Variants in AMPD3 observed in about 807,000 individuals in gnomAD.
The protein encoded by AMPD3 is AMP deaminase 3.
Under a neutral mutation model 82.3 loss-of-function variants are expected in AMPD3, and 57 were observed. The ratio of observed to expected loss-of-function variants is 0.69; its 90% CI spans 0.56 to 0.86. AMPD3 has a LOEUF of 0.86. Ranked by LOEUF, AMPD3 falls within the 40% of genes least tolerant of loss-of-function variation. AMPD3 has a pLI of 0.00. For synonymous variants in AMPD3, 381 were observed against 394.7 expected (o/e 0.97, Z 0.41); for missense variants, 870 against 1,003.8 (o/e 0.87, Z 1.80).
chr11:10,505,544 C>A, intron 14 of AMPD3, 164 bp from the exon 15 acceptor site: 2 of 985,342 alleles, frequency 2.0e-6, no homozygotes, highest in Non-Finnish European at 2.4e-6. Flanking sequence ...GACACAGAGG[C>A]CAGCAGGAAT....
chr11:10,502,395 G>C, intron 12 of AMPD3: 1 of 985,486 alleles, frequency 1.0e-6, no homozygotes, highest in South Asian at 4.7e-5. Flanking sequence ...GTGCCTAGGA[G>C]AAAGGAGCTG....
chr11:10,450,992 G>T, upstream of AMPD3: 1 of 1,570,770 alleles, frequency 6.4e-7, no homozygotes, highest in Non-Finnish European at 8.6e-7. Flanking sequence ...CTTTGCTCCA[G>T]CCCTGCGGCC....
At chr11:10,470,912 A>G (rs1410278612) in intron 2 of AMPD3, among the ~76,000 whole-genome samples, 2 of 152,218 alleles carry the variant, frequency 1.3e-5, no homozygotes, top group Admixed American at 6.5e-5. Context: ...GTTCAGTGCT[A>G]TCCCCATCAA....
chr11:10,503,901 G>C, intron 13 of AMPD3: 1 of 970,812 alleles, frequency 1.0e-6, no homozygotes. Flanking sequence ...TCCTTGACCT[G>C]TACTTCGAGA....
chr11:10,452,978 C>G (rs1156403707), upstream of AMPD3, among the ~76,000 whole-genome samples: 3 of 152,154 alleles, frequency 2.0e-5, no homozygotes, highest in Non-Finnish European at 4.4e-5. Context: ...GAAATGGAGT[C>G]TCACTCTGTC....
chr11:10,496,804 TC>T lies in AMPD3; in HGVS notation c.1431-3del, dbSNP rs761265012. ...CCACCTGACAAGCGAGTCTTTGCTG[TC>T]CCCCAGTGACATATTTAGGTCAAAG... On this transcript the variant is annotated splice_region_variant and splice_polypyrimidine_tract_variant and intron_variant, in intron 9 of 14. Coordinates refer to ENST00000396553, the MANE Select transcript of AMPD3 (RefSeq NM_001025389.2). 2.1e-4 allele frequency: 337 copies of T among 1,613,952 alleles called. No homozygotes were observed. Among genetic ancestry groups the T allele is most frequent in the Non-Finnish European group, 2.7e-4 (316 of 1,180,022 alleles).
intron 1 of AMPD3, among the ~76,000 whole-genome samples, chr11:10,459,405 C>G (rs1848192655): frequency 6.6e-6 from 1 of 152,190 alleles, no homozygotes; most frequent in Non-Finnish European, 1.5e-5. Flanking sequence ...CCACTTAGAG[C>G]TGAGAGGGCC....
At chr11:10,484,246 G>A (rs1848998157) in intron 4 of AMPD3, 1 of 985,258 alleles carries the variant, frequency 1.0e-6, no homozygotes, top group Admixed American at 6.1e-5. Flanking sequence ...AACCTATAGT[G>A]GTTGGGGGCA....
At chr11:10,495,902 A>G (rs552130093) in intron 9 of AMPD3, among the ~76,000 whole-genome samples, 169 bp downstream of exon 9, 89 of 148,918 alleles carry the variant, frequency 6.0e-4, no homozygotes, top group Non-Finnish European at 2.5e-4. Context: ...AGATGTCTGC[A>G]TGACACTAGA....
chr11:10,478,360 A>T, intron 2 of AMPD3, 166 bp from the exon 3 acceptor site: 18 of 983,604 alleles, frequency 1.8e-5, no homozygotes, highest in Non-Finnish European at 2.2e-5. Flanking sequence ...TCAGGCAGAC[A>T]TGTGTAAGAG....
intron 2 of AMPD3, among the ~76,000 whole-genome samples, chr11:10,471,644 A>G (rs1848593684): frequency 6.6e-6 from 1 of 152,270 alleles, no homozygotes; most frequent in African/African-American, 2.4e-5. Context: ...AAGGATATGA[A>G]CAGACACTTC....
chr11:10,506,367 G>T lies in AMPD3; in HGVS notation c.*483G>T. On this transcript the variant is annotated 3_prime_UTR_variant, in exon 15 of 15. Coordinates refer to ENST00000396553, the MANE Select transcript of AMPD3 (RefSeq NM_001025389.2). This position sits in a 1 kb window ranked among gnomAD's most constrained non-coding sequence, Gnocchi z 4.1. ...CTACTTTGAAGGAGTTAAGATGGAA[G>T]ACTTCCTTCTTGACAAATTGTGTTT... The T allele has an allele frequency of 5.7e-6, 1 of 175,256 alleles. No homozygotes were observed. The highest frequency in any genetic ancestry group is 1.6e-4 in the East Asian group (1 of 6,386). 10.9% of individuals were successfully genotyped at this position (175,256 alleles called of 1,614,324 possible). A position where few individuals can be genotyped will look rare whatever the true frequency, so the allele number is the denominator to read the frequency against.
intron 6 of AMPD3, 29 bp downstream of exon 6, chr11:10,487,393 C>T (rs1402497696): frequency 6.2e-7 from 1 of 1,613,014 alleles, no homozygotes; most frequent in South Asian, 1.1e-5. Context: ...TTCACAGCTG[C>T]CTCACCCGGT....
intron 2 of AMPD3, among the ~76,000 whole-genome samples, chr11:10,469,811 G>A (rs1355117779): frequency 2.6e-5 from 4 of 151,710 alleles, no homozygotes; most frequent in South Asian, 2.1e-4. Flanking sequence ...AGGCCGAGGC[G>A]GGCAGATCAC....
chr11:10,460,057 AATAT>A (rs1344564472), intron 1 of AMPD3, among the ~76,000 whole-genome samples: 2 of 106,658 alleles, frequency 1.9e-5, no homozygotes, highest in Non-Finnish European at 4.0e-5. Flanking sequence ...TATTATATAT[AATAT>A]ATATTATATA....
chr11:10,495,831 T>C, intron 9 of AMPD3, 98 bp downstream of exon 9: 1 of 1,483,774 alleles, frequency 6.7e-7, no homozygotes. Context: ...GTAGGGCCTG[T>C]TCTGGTGCCA....
chr11:10,475,612 A>G (rs543474443), intron 2 of AMPD3, among the ~76,000 whole-genome samples: 1 of 152,276 alleles, frequency 6.6e-6, no homozygotes, highest in Admixed American at 6.5e-5. Context: ...TCCTGTGATG[A>G]TGTTATGGAA....
Position 10,456,028 on chromosome 11 carries a change from A to G in AMPD3, c.-6+580A>G, listed in dbSNP as rs1848083150. 16 of 985,304 alleles carry G rather than the reference A, an allele frequency of 1.6e-5. No individual in the cohort carries two copies. The highest frequency in any genetic ancestry group is 1.9e-5 in the Non-Finnish European group (16 of 829,940). 61.0% of individuals were successfully genotyped at this position (985,304 alleles called of 1,614,324 possible). A position where few individuals can be genotyped will look rare whatever the true frequency, so the allele number is the denominator to read the frequency against. On this transcript the variant is annotated intron_variant, in intron 1 of 14. Coordinates refer to ENST00000396553, the MANE Select transcript of AMPD3 (RefSeq NM_001025389.2). The surrounding 1 kb of genome is among the most constrained non-coding windows in gnomAD (Gnocchi z 4.3). ...GCAGCTGGGCAGGACGGCTGAGTTTACTGTTGTAAAGAGGAAGCCGCCGCT... is the reference window on the plus strand; with the variant it reads ...GCAGCTGGGCAGGACGGCTGAGTTTGCTGTTGTAAAGAGGAAGCCGCCGCT...
At chr11:10,491,327 G>A (rs889513963) in intron 6 of AMPD3, among the ~76,000 whole-genome samples, 2 of 152,190 alleles carry the variant, frequency 1.3e-5, no homozygotes, top group African/African-American at 4.8e-5. Context: ...CTTAGGGCTT[G>A]TGGTTGTCCT....
Sources: gnomAD v4.1 joint callset for allele counts (sites outside exome capture counted in the v4.1 genomes callset) on GRCh38, gnomAD v4.1.1 for gene constraint, Gnocchi (gnomAD v3.1) non-coding constraint, MANE v1.5 for transcripts, NCBI Gene and HGNC (gene_info 2026-07-23, HGNC 2026-07-21) for gene names.